TEKT5: variants seen among roughly 807,000 people sequenced by gnomAD.
The protein encoded by TEKT5 is tektin-5.
In TEKT5, 52 loss-of-function variants were observed where a neutral mutation model predicts 48.7. That is an observed-to-expected ratio of 1.07 (90% CI 0.86 to 1.35). The LOEUF (loss-of-function observed/expected upper bound fraction) is 1.35. Among genes scored for constraint, TEKT5 ranks in the 40% most tolerant of loss-of-function variants. The probability of loss-of-function intolerance (pLI) is 0.00; values close to 1 mark genes in which losing one functional copy is unlikely to be tolerated. For missense variants in TEKT5, 831 were observed against 641.6 expected, an observed-to-expected ratio of 1.30 and a Z score of -3.19; for synonymous variants, 318 against 267.6, an observed-to-expected ratio of 1.19 and a Z score of -1.84.
In TEKT5 at chr16:10,676,244, G is replaced by A. The variant is rs111310541; in HGVS notation, c.864-63C>T. 7.3e-5 allele frequency: 110 copies of A among 1,516,142 alleles called. 1 individual carries two copies. The South Asian group carries it at 8.0e-4, about 11-fold the overall frequency. The allele number at this position is 1,516,142 out of a possible 1,614,324, so 93.9% of individuals were successfully genotyped here. A position where few individuals can be genotyped will look rare whatever the true frequency, so the allele number is the denominator to read the frequency against. On this transcript the variant is annotated intron_variant, in intron 4 of 6. Transcript: ENST00000283025. ...AGACCTCAGAATCTGTGGTTTCTCCGCCTTGGCAGTCTTGGCCTCTGGGTC... is the reference window on the plus strand; with the variant it reads ...AGACCTCAGAATCTGTGGTTTCTCCACCTTGGCAGTCTTGGCCTCTGGGTC...
chr16:10,648,566 G>T (rs2719758), intron 5 of TEKT5, among the ~76,000 whole-genome samples: 1 of 152,006 alleles, frequency 6.6e-6, no homozygotes. Context: ...TCCCGGCCTC[G>T]AGTGATCCGC....
intron 3 of TEKT5, among the ~76,000 whole-genome samples, chr16:10,688,436 GC>G (rs550755614): frequency 3.3e-5 from 5 of 152,110 alleles, no homozygotes; most frequent in African/African-American, 9.7e-5. Context: ...GAAGGTGCCC[GC>G]CCCCCCTGCA....
At chr16:10,669,105 T>G (rs1048230959) in intron 5 of TEKT5, among the ~76,000 whole-genome samples, 2 of 152,202 alleles carry the variant, frequency 1.3e-5, no homozygotes, top group Non-Finnish European at 2.9e-5. Flanking sequence ...TGCATACAAA[T>G]ATGTGTACAT....
Position 10,694,309 on chromosome 16 carries a change from C to A in TEKT5, c.564+1G>T. 6.3e-7 allele frequency: 1 copy of A among 1,587,270 alleles called. No individual in the cohort carries two copies. The highest frequency in any genetic ancestry group is 1.3e-5 in the African/African-American group (1 of 74,606). On this transcript the variant is annotated splice_donor_variant, in intron 1 of 6. Transcript: ENST00000283025. LOFTEE classifies it high-confidence loss of function. ...AGCCCTGTCCCCACCCCTGTACTCA[C>A]CTGCAATGGGCAGTTCACCTCATTG...
At chr16:10,681,816 T>A (rs981377829) in intron 4 of TEKT5, among the ~76,000 whole-genome samples, 177 bp downstream of exon 4, 1 of 152,050 alleles carries the variant, frequency 6.6e-6, no homozygotes, top group Non-Finnish European at 1.5e-5. Context: ...GTAAATTCCA[T>A]CTTGTCTTAA....
intron 5 of TEKT5, among the ~76,000 whole-genome samples, chr16:10,651,053 C>T (rs2142274078): frequency 1.3e-5 from 2 of 152,298 alleles, no homozygotes; most frequent in East Asian, 3.9e-4. Flanking sequence ...GGAGACAGAG[C>T]AGCCTGAAGC....
intron 2 of TEKT5, 80 bp downstream of exon 2, chr16:10,689,862 C>T: frequency 7.2e-7 from 1 of 1,397,010 alleles, no homozygotes; most frequent in Non-Finnish European, 1.0e-6. Flanking sequence ...CTGCTCCTGA[C>T]AGGTAGCTCA....
intron 5 of TEKT5, among the ~76,000 whole-genome samples, chr16:10,673,767 C>T (rs926964891): frequency 6.6e-6 from 1 of 151,058 alleles, no homozygotes; most frequent in African/African-American, 2.4e-5. Flanking sequence ...TCTCCCGCCT[C>T]AGCCTCCCGA....
intron 5 of TEKT5, among the ~76,000 whole-genome samples, chr16:10,671,026 T>C (rs1312962082): frequency 6.6e-6 from 1 of 152,096 alleles, no homozygotes; most frequent in Admixed American, 6.6e-5. Context: ...CTAGAGGAAT[T>C]TGGAAAGCGA....
intron 3 of TEKT5, among the ~76,000 whole-genome samples, chr16:10,685,298 T>TTC (rs763332137): frequency 8.6e-5 from 13 of 151,564 alleles, no homozygotes; most frequent in Admixed American, 2.6e-4. Flanking sequence ...CCCTCTCTCT[T>TTC]TCTCTCTCTC....
intron 5 of TEKT5, among the ~76,000 whole-genome samples, chr16:10,645,096 G>A (rs900790076): frequency 1.3e-5 from 2 of 152,192 alleles, no homozygotes; most frequent in Non-Finnish European, 2.9e-5. Context: ...CTCCAGAACT[G>A]TGAGAAATAA....
At chr16:10,687,550 C>T (rs2719730) in intron 3 of TEKT5, among the ~76,000 whole-genome samples, 84,992 of 151,646 alleles carry the variant, frequency 0.56, 24,499 homozygotes, top group East Asian at 0.8. Context: ...GTCAGGAGTT[C>T]CAGACCAGCC....
At chr16:10,690,851 G>A (rs1205670806) in intron 1 of TEKT5, 5 of 907,416 alleles carry the variant, frequency 5.5e-6, no homozygotes, top group Non-Finnish European at 6.6e-6. Flanking sequence ...AGGATGTCAA[G>A]GTCTGGATGT....
intron 5 of TEKT5, among the ~76,000 whole-genome samples, chr16:10,666,978 CTTTTTT>C (rs201657619): frequency 8.0e-6 from 1 of 124,670 alleles, no homozygotes; most frequent in Non-Finnish European, 1.7e-5. Flanking sequence ...TGGCTCCTTA[CTTTTTT>C]TTTTTTTTTT....
rs116197449 is a variant in TEKT5, at chr16:10,676,795, G to A, written c.864-614C>T. Among the ~76,000 whole-genome samples the A allele has an allele frequency of 6.7e-3, 1,015 of 152,308 alleles. 13 individuals are homozygous for A. The highest frequency in any genetic ancestry group is 0.023 in the African/African-American group (963 of 41,556). On this transcript the variant is annotated intron_variant, in intron 4 of 6. Transcript: ENST00000283025. ...TTAGGAGAGAGCCATGAACAAGAAC[G>A]GCAACATCCGTGTCCTCATGGCGGT...
chr16:10,660,705 T>TG (rs1312547479), intron 5 of TEKT5, among the ~76,000 whole-genome samples: 13 of 135,072 alleles, frequency 9.6e-5, no homozygotes, highest in African/African-American at 4.4e-4. Flanking sequence ...GTGTGTGTGT[T>TG]ATTTATTTAT....
At chr16:10,679,223 T>C (rs1898702364) in intron 4 of TEKT5, among the ~76,000 whole-genome samples, 1 of 152,158 alleles carries the variant, frequency 6.6e-6, no homozygotes, top group African/African-American at 2.4e-5. Flanking sequence ...GTCAGCACAA[T>C]GTCTAGCACA....
chr16:10,660,742 C>A (rs1898355596), intron 5 of TEKT5, among the ~76,000 whole-genome samples: 1 of 150,666 alleles, frequency 6.6e-6, no homozygotes, highest in Admixed American at 6.6e-5. Flanking sequence ...GCTCTGTTGC[C>A]CAGGCTGGAG....
intron 5 of TEKT5, among the ~76,000 whole-genome samples, chr16:10,646,836 G>A (rs774594027): frequency 1.3e-5 from 2 of 152,184 alleles, no homozygotes; most frequent in East Asian, 1.9e-4. Context: ...CAGCCCACAC[G>A]CTGGTTAAAC....
Sources: allele counts gnomAD v4.1 joint callset (sites outside exome capture counted in the v4.1 genomes callset), GRCh38; gene constraint gnomAD v4.1.1; transcripts MANE v1.5; gene names NCBI Gene and HGNC (gene_info 2026-07-23, HGNC 2026-07-21).